RERE: variants seen among roughly 807,000 people sequenced by gnomAD.
RERE encodes arginine-glutamic acid dipeptide repeats.
In RERE, 40 loss-of-function variants were observed where a neutral mutation model predicts 146.1. The ratio of observed to expected loss-of-function variants is 0.27; its 90% confidence interval spans 0.21 to 0.36. RERE has a LOEUF of 0.36. Ranked by LOEUF, RERE falls within the 10% of genes least tolerant of loss-of-function variation. RERE has a pLI of 1.00. For synonymous variants in RERE, 1,003 were observed against 866.0 expected, an observed-to-expected ratio of 1.16 and a Z score of -2.78; for missense variants, 1,933 against 2,138.7, an observed-to-expected ratio of 0.90 and a Z score of 1.90.
rs776942261 is a variant in RERE at position 8,609,219 on chromosome 1, C to CA, written c.522+5341dup. On this transcript the variant is annotated intron_variant, in intron 4 of 22. Coordinates refer to ENST00000400908, the MANE Select transcript of RERE (RefSeq NM_001042681.2). ...GGCAAAAGAGCAAGACCCTGTCTCC[C>CA]AAAAAAAAAAAAAAAGGAATAAATT... 7.2e-3 allele frequency among the ~76,000 whole-genome samples: 818 copies of CA among 113,696 alleles called. 4 individuals carry two copies. Among genetic ancestry groups the CA allele is most frequent in the Middle Eastern group, 0.014 (3 of 216 alleles). 74.6% of individuals were successfully genotyped at this position (113,696 alleles called of 152,430 possible). A position where few individuals can be genotyped will look rare whatever the true frequency, so the allele number is the denominator to read the frequency against.
rs964755761 is a variant in RERE, at chr1:8,815,831, G to T, written c.-145+1329C>A. Among the ~76,000 whole-genome samples the T allele has an allele frequency of 1.7e-4, 26 of 149,512 alleles. No homozygotes were observed. The South Asian group carries it at 4.8e-3, about 28-fold the overall frequency. On this transcript the variant is annotated intron_variant, in intron 1 of 22. Transcript: ENST00000400908. Reference sequence around the variant, plus strand: ...AACAATGAGCCCTCAGCTTGGTATTGTGTGTGTGTGTATGTGTGTGTGTGT... The same window carrying T: ...AACAATGAGCCCTCAGCTTGGTATTTTGTGTGTGTGTATGTGTGTGTGTGT...
In RERE at chr1:8,703,739, CTCTGCT is replaced by C. The variant is rs536268725; in HGVS notation, c.-144-47304_-144-47299del. Among the ~76,000 whole-genome samples the C allele has an allele frequency of 1.9e-3, 286 of 152,338 alleles. 1 individual carries two copies. Among genetic ancestry groups the C allele is most frequent in the Non-Finnish European group, 3.1e-3 (209 of 68,032 alleles). ...AGCATTTCACACATCCTAGAGCTGC[CTCTGCT>C]TCTGCCAGGAATATTAATGCCAACC... On this transcript the variant is annotated intron_variant, in intron 1 of 22. Transcript: ENST00000400908.
intron 4 of RERE, among the ~76,000 whole-genome samples, chr1:8,578,111 G>A (rs572463463): frequency 1.3e-5 from 2 of 151,874 alleles, no homozygotes; most frequent in East Asian, 1.9e-4. Flanking sequence ...AAAAAAGGGC[G>A]GGGGGGAGAG....
intron 4 of RERE, among the ~76,000 whole-genome samples, chr1:8,575,224 T>G (rs1459645674): frequency 6.6e-6 from 1 of 152,032 alleles, no homozygotes; most frequent in Non-Finnish European, 1.5e-5. Context: ...ATAATGTTAG[T>G]AATAGAGTAG....
At chr1:8,664,399 C>T (rs563305143) in intron 1 of RERE, among the ~76,000 whole-genome samples, 15 of 152,202 alleles carry the variant, frequency 9.9e-5, no homozygotes, top group African/African-American at 3.1e-4. Context: ...ATATATAATG[C>T]GTTCATCACC....
At chr1:8,626,259 G>T (rs1172220494) in intron 2 of RERE, among the ~76,000 whole-genome samples, 2 of 152,126 alleles carry the variant, frequency 1.3e-5, no homozygotes, top group African/African-American at 4.8e-5. Flanking sequence ...AAAGTTCTTA[G>T]TTTCCTGTGT....
rs796546239 is a variant in RERE, at chr1:8,453,762, C to T, written c.1203+12163G>A. 4.6e-5 allele frequency among the ~76,000 whole-genome samples: 7 copies of T among 152,206 alleles called. 1 individual carries two copies. The highest frequency in any genetic ancestry group is 1.7e-4 in the African/African-American group (7 of 41,530). ...CAGAGGTTGCAGTGAGCTGAGATCA[C>T]ACCATTGCACTGGTCCAGCCTGGGC... On this transcript the variant is annotated intron_variant, in intron 11 of 22. Coordinates refer to ENST00000400908, the MANE Select transcript of RERE (RefSeq NM_001042681.2).
In RERE at chr1:8,701,793, A is replaced by C. The variant is rs112427165; in HGVS notation, c.-144-45352T>G. On this transcript the variant is annotated intron_variant, in intron 1 of 22. Coordinates refer to ENST00000400908, the MANE Select transcript of RERE (RefSeq NM_001042681.2). Reference sequence around the variant, plus strand: ...TTAAACACTACTAAATTACAGAGTTAGAAAAAAAAAATACAAGCTCAACTC... The same window carrying C: ...TTAAACACTACTAAATTACAGAGTTCGAAAAAAAAAATACAAGCTCAACTC... Among the ~76,000 whole-genome samples, 1,348 of 150,440 alleles carry C rather than the reference A, an allele frequency of 9.0e-3. 13 individuals carry two copies. Among genetic ancestry groups the C allele is most frequent in the African/African-American group, 0.031 (1,235 of 39,768 alleles).
At chr1:8,454,290 C>T (rs1420005998) in intron 11 of RERE, among the ~76,000 whole-genome samples, 2 of 152,192 alleles carry the variant, frequency 1.3e-5, no homozygotes, top group Non-Finnish European at 2.9e-5. Flanking sequence ...CGCACACATG[C>T]ATGTGTACAC....
intron 6 of RERE, among the ~76,000 whole-genome samples, chr1:8,545,982 C>CTTTTTT (rs3050828): frequency 0.062 from 4,298 of 69,394 alleles, 616 homozygotes; most frequent in Non-Finnish European, 0.073. Context: ...CATACCCAGT[C>CTTTTTT]TTTTTTTTTT....
chr1:8,391,547 TG>T (rs1009065959), intron 12 of RERE, among the ~76,000 whole-genome samples: 2 of 152,130 alleles, frequency 1.3e-5, no homozygotes, highest in Admixed American at 1.3e-4. Flanking sequence ...TCCCTTGGCC[TG>T]GGGGGCTCTT....
intron 1 of RERE, among the ~76,000 whole-genome samples, chr1:8,804,383 T>G (rs1047250746): frequency 1.3e-5 from 2 of 152,204 alleles, no homozygotes; most frequent in Non-Finnish European, 2.9e-5. Context: ...CAAATAATAC[T>G]GAAGGATTAC....
intron 1 of RERE, among the ~76,000 whole-genome samples, chr1:8,757,757 C>T (rs954556367): frequency 6.6e-6 from 1 of 152,078 alleles, no homozygotes; most frequent in Admixed American, 6.6e-5. Flanking sequence ...AGTCTGTTCA[C>T]CAAAAACACT....
intron 4 of RERE, among the ~76,000 whole-genome samples, chr1:8,597,205 C>T (rs749206691): frequency 6.6e-6 from 1 of 151,842 alleles, no homozygotes; most frequent in Non-Finnish European, 1.5e-5. Flanking sequence ...CCTCTGGCCT[C>T]AGCCTCCTAA....
At chr1:8,355,353 C>G in intron 22 of RERE, 66 bp downstream of exon 22, 1 of 1,544,180 alleles carries the variant, frequency 6.5e-7, no homozygotes. Context: ...TGGCCCTGGG[C>G]ACACGGGGAG....
At chr1:8,530,849 G>A (rs374271844) in intron 7 of RERE, among the ~76,000 whole-genome samples, 3 of 150,576 alleles carry the variant, frequency 2.0e-5, no homozygotes, top group African/African-American at 7.3e-5. Flanking sequence ...CCGCCACCGC[G>A]CCCGGCTAAT....
chr1:8,757,905 C>T (rs1640673606), intron 1 of RERE, among the ~76,000 whole-genome samples: 1 of 120,294 alleles, frequency 8.3e-6, no homozygotes, highest in Non-Finnish European at 1.7e-5. Flanking sequence ...CACACACACA[C>T]ATACATACAC....
intron 1 of RERE, among the ~76,000 whole-genome samples, chr1:8,810,910 A>G (rs1641794226): frequency 6.6e-6 from 1 of 152,216 alleles, no homozygotes; most frequent in Admixed American, 6.5e-5. Flanking sequence ...GTAGGTAGAC[A>G]GGTAGTCAGT....
intron 8 of RERE, among the ~76,000 whole-genome samples, chr1:8,503,911 G>C (rs536173580): frequency 3.8e-4 from 58 of 152,110 alleles, no homozygotes; most frequent in Middle Eastern, 3.2e-3. Context: ...GTGTATTATG[G>C]AATTGAAGCA....
Sources: allele counts gnomAD v4.1 joint callset (sites outside exome capture counted in the v4.1 genomes callset), GRCh38; gene constraint gnomAD v4.1.1; transcripts MANE v1.5; gene names NCBI Gene and HGNC (gene_info 2026-07-23, HGNC 2026-07-21).